KIAA1210: variants seen among roughly 807,000 people sequenced by gnomAD.
KIAA1210 encodes the protein acrosomal protein KIAA1210.
KIAA1210 carries 48 observed loss-of-function variants against 78.9 expected under a neutral mutation model. The observed-to-expected ratio is 0.61, with a 90% CI of 0.48 to 0.77. The LOEUF (loss-of-function observed/expected upper bound fraction) is 0.77. Ranked by LOEUF, KIAA1210 falls within the 30% of genes least tolerant of loss-of-function variation. The probability of loss-of-function intolerance (pLI) is 0.00; values close to 1 mark genes in which losing one functional copy is unlikely to be tolerated. For missense variants in KIAA1210, 1,108 were observed against 1,100.0 expected, an observed-to-expected ratio of 1.01 and a Z score of -0.10; for synonymous variants, 406 against 404.5, an observed-to-expected ratio of 1.00 and a Z score of -0.04.
intron 2 of KIAA1210, among the ~76,000 whole-genome samples, chrX:119,142,774 C>CAA (rs11439597): frequency 0.19 from 7,175 of 38,000 alleles, 1,092 homozygotes; most frequent in East Asian, 0.35. Context: ...GACTCCATCT[C>CAA]AAAAAAAAAA....
intron 2 of KIAA1210, among the ~76,000 whole-genome samples, chrX:119,137,268 C>T (rs1051736129): frequency 8.9e-6 from 1 of 112,280 alleles, no homozygotes; most frequent in Admixed American, 9.4e-5. Context: ...TGCCCAGGGG[C>T]ACATGACAAG....
chrX:119,089,429 G>A lies in KIAA1210; in HGVS notation c.1273C>T (p.Gln425Ter), dbSNP rs1398851075. The A allele has an allele frequency of 8.3e-7, 1 of 1,211,963 alleles. No homozygotes were observed. The highest frequency in any genetic ancestry group is 1.8e-5 in the South Asian group (1 of 57,023). The stretch of plus-strand genomic sequence containing the variant: ...CCCTGAGGGGTAGTGGTTTCTGGTT[G>A]TGAAGTTGTAGGCTGCTCCATGTTG... The part of the protein sequence containing the change: ...KDNMEQPTTS[Q>*]PETTTPQGLL... Residue 425 changes from glutamine (Q) to a stop codon, truncating the protein, a stop_gained, in exon 9 of 12, where the codon CAA becomes TAA. Transcript: ENST00000691062. LOFTEE classifies it high-confidence loss of function.
upstream of KIAA1210, among the ~76,000 whole-genome samples, chrX:119,150,772 G>T: frequency 8.9e-6 from 1 of 112,502 alleles, no homozygotes; most frequent in Admixed American, 9.3e-5. Context: ...GAGCCCAGAG[G>T]TGTCTCGCTG....
chrX:119,143,271 A>T (rs1330470901), intron 2 of KIAA1210, among the ~76,000 whole-genome samples: 1 of 112,183 alleles, frequency 8.9e-6, no homozygotes, highest in Non-Finnish European at 1.9e-5. Flanking sequence ...GCTGGGGCCC[A>T]TGGGTGTGTG....
intron 2 of KIAA1210, among the ~76,000 whole-genome samples, chrX:119,147,200 G>A (rs1430220045): frequency 9.0e-6 from 1 of 111,451 alleles, no homozygotes; most frequent in Non-Finnish European, 1.9e-5. Flanking sequence ...GGTCCAGGTT[G>A]GTAGAGGACA....
intron 10 of KIAA1210, among the ~76,000 whole-genome samples, chrX:119,084,455 A>T (rs911200802): frequency 4.4e-5 from 5 of 112,381 alleles, no homozygotes; most frequent in African/African-American, 9.7e-5. Flanking sequence ...AACAGTATTT[A>T]AGTTTGATTC....
At chrX:119,091,985 G>A (rs1927381659) in intron 8 of KIAA1210, among the ~76,000 whole-genome samples, 1 of 111,166 alleles carries the variant, frequency 9.0e-6, no homozygotes, top group Admixed American at 9.5e-5. Context: ...TACATAATGG[G>A]TACAATGTAC....
At chrX:119,105,981 T>C (rs911848570) in intron 5 of KIAA1210, among the ~76,000 whole-genome samples, 4 of 111,779 alleles carry the variant, frequency 3.6e-5, no homozygotes, top group African/African-American at 9.8e-5. Context: ...AAACAAATTC[T>C]TGTGGTCATG....
intron 3 of KIAA1210, among the ~76,000 whole-genome samples, chrX:119,111,724 T>C (rs976659061): frequency 8.1e-5 from 9 of 111,240 alleles, no homozygotes; most frequent in Admixed American, 6.7e-4. Context: ...CTGCACTTTC[T>C]GCACATGTAT....
chrX:119,125,940 A>G (rs1928633985), intron 1 of KIAA1210, among the ~76,000 whole-genome samples: 1 of 97,799 alleles, frequency 1.0e-5, no homozygotes, highest in African/African-American at 3.7e-5. Flanking sequence ...GAGCACCACA[A>G]CCCAGAGAAA....
Position 119,086,596 on chromosome X carries a change from C to A in KIAA1210, c.4106G>T (p.Arg1369Met). The A allele has an allele frequency of 8.3e-7, 1 of 1,210,464 alleles. No homozygotes were observed. Among genetic ancestry groups the A allele is most frequent in the Non-Finnish European group, 1.1e-6 (1 of 895,106 alleles). ...ISYVADKQQS[R>M]PKSESMAKKQ... ...CTTGGCCATGCTTTCAGATTTGGGC[C>A]TGCTCTGTTGCTTATCTGCAACGTA... Residue 1369 changes from arginine (R) to methionine (M), a missense_variant, in exon 9 of 12, where the codon AGG (arginine) becomes ATG (methionine). By Grantham distance (91) the Arg-to-Met change is moderately conservative. Around this residue, in one of 5 missense-constraint regions of KIAA1210, gnomAD observed 245 missense variants for 278.8 expected, o/e 0.88. Coordinates refer to ENST00000691062, the MANE Select transcript of KIAA1210 (RefSeq NM_001394962.1).
chrX:119,099,424 T>C (rs1003751752), intron 6 of KIAA1210, among the ~76,000 whole-genome samples: 5 of 112,226 alleles, frequency 4.5e-5, no homozygotes, highest in Non-Finnish European at 9.4e-5. Context: ...CTAAGGAATC[T>C]ATAGACATCA....
chrX:119,140,508 G>A (rs1427349915), intron 2 of KIAA1210, among the ~76,000 whole-genome samples: 1 of 90,681 alleles, frequency 1.1e-5, no homozygotes, highest in Non-Finnish European at 2.1e-5. Context: ...CAGCCTGAGC[G>A]ACGACAGAAC....
At chrX:119,097,698 GCTA>G (rs1927599653) in intron 6 of KIAA1210, among the ~76,000 whole-genome samples, 1 of 111,947 alleles carries the variant, frequency 8.9e-6, no homozygotes. Flanking sequence ...GATAACCTTA[GCTA>G]CTATCTTGGT....
chrX:119,128,015 G>T (rs1928693062), upstream of KIAA1210, among the ~76,000 whole-genome samples: 1 of 110,983 alleles, frequency 9.0e-6, no homozygotes, highest in Non-Finnish European at 1.9e-5. Context: ...AGCACTGCAG[G>T]GCTCTGTCCT....
At chrX:119,137,059 G>T (rs1232671412) in intron 2 of KIAA1210, among the ~76,000 whole-genome samples, 1 of 112,522 alleles carries the variant, frequency 8.9e-6, no homozygotes, top group Non-Finnish European at 1.9e-5. Flanking sequence ...TATGTGCTTA[G>T]ACCTGTTTCA....
chrX:119,140,691 G>A (rs748738053), intron 2 of KIAA1210, among the ~76,000 whole-genome samples: 3 of 111,886 alleles, frequency 2.7e-5, no homozygotes, highest in African/African-American at 9.7e-5. Context: ...TATAAAATAA[G>A]TCTCAGGATC....
chrX:119,111,835 A>G (rs781716299), intron 3 of KIAA1210, among the ~76,000 whole-genome samples: 3 of 112,037 alleles, frequency 2.7e-5, no homozygotes, highest in African/African-American at 9.7e-5. Context: ...ACATAGGAGT[A>G]AATCTTTGTG....
At chrX:119,092,329 A>G (rs1927393785) in intron 8 of KIAA1210, among the ~76,000 whole-genome samples, 2 of 111,884 alleles carry the variant, frequency 1.8e-5, no homozygotes, top group Non-Finnish European at 3.8e-5. Context: ...CAGTAGTTTC[A>G]TATCCAGCAT....
Sources: gnomAD v4.1 joint callset for allele counts (sites outside exome capture counted in the v4.1 genomes callset) on GRCh38, gnomAD v4.1.1 for gene constraint, gnomAD v4.1.1 regional missense constraint, MANE v1.5 for transcripts, NCBI Gene and HGNC (gene_info 2026-07-23, HGNC 2026-07-21) for gene names.